Variants in RBBP5 observed in about 807,000 individuals in gnomAD.
The protein encoded by RBBP5 is RB binding protein 5, histone lysine methyltransferase complex subunit.
RBBP5 carries 5 observed loss-of-function variants against 72.2 expected under a neutral mutation model. The observed-to-expected ratio is 0.07, with a 90% confidence interval of 0.04 to 0.15. RBBP5 has a LOEUF of 0.15. Ranked by LOEUF, RBBP5 falls within the 10% of genes least tolerant of loss-of-function variation. RBBP5 has a pLI of 1.00. For missense variants in RBBP5, 322 were observed against 652.2 expected, an observed-to-expected ratio of 0.49 and a Z score of 5.51; for synonymous variants, 209 against 237.2, an observed-to-expected ratio of 0.88 and a Z score of 1.09.
chr1:205,093,558 A>ACACACACACACACACACACATG, intron 13 of RBBP5, among the ~76,000 whole-genome samples: 1 of 115,966 alleles, frequency 8.6e-6, no homozygotes, highest in South Asian at 3.1e-4. Context: ...ACACACACAC[A>ACACACACACACACACACACATG]CACACACACA....
intron 12 of RBBP5, among the ~76,000 whole-genome samples, 174 bp from the exon 13 acceptor site, chr1:205,095,238 A>C (rs1655564701): frequency 1.3e-5 from 2 of 152,214 alleles, no homozygotes; most frequent in South Asian, 4.1e-4. Context: ...AATGAGAGAT[A>C]GTTCCTTGGC....
chr1:205,107,166 T>C (rs2102304922), intron 3 of RBBP5, among the ~76,000 whole-genome samples: 1 of 152,170 alleles, frequency 6.6e-6, no homozygotes, highest in East Asian at 1.9e-4. Context: ...GTAATATTCA[T>C]GTCATCAGAA....
intron 5 of RBBP5, 63 bp from the exon 6 acceptor site, chr1:205,101,772 C>A: frequency 8.1e-7 from 1 of 1,231,564 alleles, no homozygotes; most frequent in South Asian, 1.2e-5. Flanking sequence ...ATTGATTTGG[C>A]TTGTTTCTAA....
intron 6 of RBBP5, 61 bp downstream of exon 6, chr1:205,101,539 A>G (rs1384626605): frequency 2.5e-6 from 3 of 1,205,154 alleles, no homozygotes; most frequent in African/African-American, 3.1e-5. Flanking sequence ...GCAAATCTCC[A>G]TGTATTTTTG....
At chr1:205,108,044 A>ATGAGGT (rs1656149547) in intron 3 of RBBP5, among the ~76,000 whole-genome samples, 3 of 151,770 alleles carry the variant, frequency 2.0e-5, no homozygotes, top group Non-Finnish European at 4.4e-5. Flanking sequence ...AGAGATCGAG[A>ATGAGGT]CCATCCTGGT....
In RBBP5 at chr1:205,101,561, C is replaced by G. The variant is rs1655823376; in HGVS notation, c.632+39G>C. The G allele has an allele frequency of 2.7e-6, 4 of 1,464,722 alleles. No individual in the cohort carries two copies. In the South Asian group the frequency reaches 4.8e-5, roughly 17 times the overall value. The allele number at this position is 1,464,722 out of a possible 1,614,324, so 90.7% of individuals were successfully genotyped here. On this transcript the variant is annotated intron_variant, in intron 6 of 13. Transcript: ENST00000264515. ...TCCATGTATTTTTGCATTCTATTCA[C>G]TCTTAAAACTGTCCCTTAAAAGGTA...
rs1237390428 is a variant in RBBP5 at position 205,087,101 on chromosome 1, G to A, written c.*1686C>T. ...TTTAAATGATGGAGTGAGACAAAGA[G>A]GCTCTTGCTGACGTGCTCTACTTTG... is the stretch of plus-strand genomic sequence containing the variant. On this transcript the variant is annotated 3_prime_UTR_variant, in exon 14 of 14. Transcript: ENST00000264515. The A allele has an allele frequency of 6.6e-6, 1 of 152,166 alleles. No individual in the cohort carries two copies. The highest frequency in any genetic ancestry group is 1.9e-4 in the East Asian group (1 of 5,200). The allele number at this position is 152,166 out of a possible 1,614,324, so 9.4% of individuals were successfully genotyped here. A position where few individuals can be genotyped will look rare whatever the true frequency, so the allele number is the denominator to read the frequency against.
intron 3 of RBBP5, among the ~76,000 whole-genome samples, chr1:205,108,075 T>C (rs1656151539): frequency 6.6e-6 from 1 of 151,838 alleles, no homozygotes; most frequent in Non-Finnish European, 1.5e-5. Context: ...AAACCCGGTC[T>C]CTACTAAAAA....
chr1:205,094,504 A>T (rs1655535972), intron 13 of RBBP5, among the ~76,000 whole-genome samples: 1 of 152,236 alleles, frequency 6.6e-6, no homozygotes, highest in African/African-American at 2.4e-5. Flanking sequence ...AAAACCTAAG[A>T]GCAAATATGG....
chr1:205,110,467 T>C (rs1656269669), intron 3 of RBBP5, among the ~76,000 whole-genome samples: 1 of 152,152 alleles, frequency 6.6e-6, no homozygotes, highest in Admixed American at 6.5e-5. Flanking sequence ...TAAGGAACAG[T>C]TAAATCTATG....
At chr1:205,092,857 C>T (rs896111804) in intron 13 of RBBP5, among the ~76,000 whole-genome samples, 1 of 152,248 alleles carries the variant, frequency 6.6e-6, no homozygotes, top group Non-Finnish European at 1.5e-5. Context: ...GCTAGAATTA[C>T]AGGCGTGAGC....
chr1:205,093,166 T>C (rs988405820), intron 13 of RBBP5, among the ~76,000 whole-genome samples: 11 of 151,878 alleles, frequency 7.2e-5, no homozygotes, highest in African/African-American at 2.7e-4. Context: ...TACTTTACAA[T>C]ATATACAAAC....
chr1:205,103,547 T>C (rs1464272792), intron 5 of RBBP5, among the ~76,000 whole-genome samples: 3 of 152,170 alleles, frequency 2.0e-5, no homozygotes, highest in Non-Finnish European at 2.9e-5. Context: ...AAACCAGATA[T>C]TGAGAAATTT....
Position 205,099,700 on chromosome 1 carries a change from AG to A in RBBP5, c.978+40del. 1.3e-6 allele frequency: 2 copies of A among 1,524,916 alleles called. No individual in the cohort carries two copies. Among genetic ancestry groups the A allele is most frequent in the Non-Finnish European group, 1.8e-6 (2 of 1,112,102 alleles). The allele number at this position is 1,524,916 out of a possible 1,614,324, so 94.5% of individuals were successfully genotyped here. On this transcript the variant is annotated intron_variant, in intron 9 of 13. Transcript: ENST00000264515. This position sits in a 1 kb window ranked among gnomAD's most constrained non-coding sequence, Gnocchi z 4.7. ...TGTATAAGGTTCTTTGATAAAAAGA[AG>A]GGGTAACTAGTTTCGAAGCAAGTAA...
chr1:205,098,584 C>T (rs1219478491), intron 10 of RBBP5, among the ~76,000 whole-genome samples: 1 of 152,096 alleles, frequency 6.6e-6, no homozygotes, highest in Non-Finnish European at 1.5e-5. Context: ...TGGCTCATGT[C>T]TGTAATGGCA....
intron 1 of RBBP5, 55 bp downstream of exon 1, chr1:205,121,800 T>C (rs545657745): frequency 6.2e-7 from 1 of 1,610,950 alleles, no homozygotes; most frequent in East Asian, 2.2e-5. Context: ...CCGCCTGGGT[T>C]CCCTCCTTTC....
chr1:205,120,934 C>CA (rs113375624), intron 1 of RBBP5, among the ~76,000 whole-genome samples: 1,771 of 152,326 alleles, frequency 0.012, 46 homozygotes, highest in African/African-American at 0.041. Context: ...GGCCTGCCTA[C>CA]ATTCTGCAAT....
intron 11 of RBBP5, 64 bp downstream of exon 11, chr1:205,097,262 G>C: frequency 2.8e-6 from 4 of 1,446,524 alleles, no homozygotes; most frequent in African/African-American, 1.4e-5. Flanking sequence ...GGAAACTGCA[G>C]AGTACTCCCC....
intron 5 of RBBP5, among the ~76,000 whole-genome samples, chr1:205,102,710 T>C (rs558894445): frequency 3.0e-4 from 45 of 152,258 alleles, no homozygotes; most frequent in African/African-American, 1.1e-3. Flanking sequence ...ATCAACTTTC[T>C]AGGCCAGGCG....
Sources: allele counts gnomAD v4.1 joint callset (sites outside exome capture counted in the v4.1 genomes callset), GRCh38; gene constraint gnomAD v4.1.1; non-coding constraint Gnocchi (gnomAD v3.1); transcripts MANE v1.5; gene names NCBI Gene and HGNC (gene_info 2026-07-23, HGNC 2026-07-21).